Variants in DEPDC1B observed in about 807,000 individuals in gnomAD.
DEPDC1B encodes DEP domain-containing protein 1B.
Under a neutral mutation model 66.5 loss-of-function variants are expected in DEPDC1B, and 51 were observed. That is an observed-to-expected ratio of 0.77 (90% CI 0.61 to 0.97). DEPDC1B has a LOEUF of 0.97. DEPDC1B is among the 50% of genes least tolerant of loss of function. The pLI is 0.00. For synonymous variants in DEPDC1B, 226 were observed against 223.6 expected, an observed-to-expected ratio of 1.01 and a Z score of -0.10; for missense variants, 552 against 637.1, an observed-to-expected ratio of 0.87 and a Z score of 1.44.
At chr5:60,674,768 A>C (rs1364213631) in intron 2 of DEPDC1B, among the ~76,000 whole-genome samples, 4 of 152,222 alleles carry the variant, frequency 2.6e-5, no homozygotes. Context: ...AAGGAACAGA[A>C]ACAAATTCTG....
At chr5:60,673,041 T>A (rs1044279350) in intron 2 of DEPDC1B, among the ~76,000 whole-genome samples, 1 of 152,124 alleles carries the variant, frequency 6.6e-6, no homozygotes, top group Non-Finnish European at 1.5e-5. Flanking sequence ...AAAGGCAAAT[T>A]CTTTCACAGC....
chr5:60,641,006 C>T (rs1199962106), intron 6 of DEPDC1B, among the ~76,000 whole-genome samples: 1 of 152,106 alleles, frequency 6.6e-6, no homozygotes, highest in African/African-American at 2.4e-5. Context: ...ACAGATATGC[C>T]AGCCACTCAT....
At chr5:60,618,509 C>T (rs552160825) in intron 7 of DEPDC1B, among the ~76,000 whole-genome samples, 1 of 152,274 alleles carries the variant, frequency 6.6e-6, no homozygotes, top group African/African-American at 2.4e-5. Context: ...ACTATAAACA[C>T]CTCTATGAAA....
At chr5:60,653,876 T>TTC (rs1430418586) in intron 2 of DEPDC1B, among the ~76,000 whole-genome samples, 1 of 112,600 alleles carries the variant, frequency 8.9e-6, no homozygotes, top group Non-Finnish European at 1.7e-5. Context: ...TTTCCCCACT[T>TTC]TATGTTTTTC....
intron 7 of DEPDC1B, among the ~76,000 whole-genome samples, chr5:60,635,774 A>AT (rs545445525): frequency 2.6e-5 from 4 of 152,150 alleles, no homozygotes; most frequent in South Asian, 2.1e-4. Flanking sequence ...GATCTTCTAA[A>AT]TTTTTTTTAA....
intron 2 of DEPDC1B, among the ~76,000 whole-genome samples, chr5:60,656,677 T>G (rs1219040211): frequency 2.0e-5 from 3 of 152,186 alleles, no homozygotes; most frequent in Non-Finnish European, 4.4e-5. Context: ...CGTGTCCTTC[T>G]TCACAAGGCA....
chr5:60,661,620 AG>A (rs1426356346), intron 2 of DEPDC1B, among the ~76,000 whole-genome samples: 15 of 152,240 alleles, frequency 9.9e-5, no homozygotes, highest in Admixed American at 3.3e-4. Context: ...ATGTTTTACA[AG>A]GGCTAGGACA....
intron 2 of DEPDC1B, among the ~76,000 whole-genome samples, chr5:60,668,334 G>T (rs2111977178): frequency 6.8e-6 from 1 of 147,076 alleles, no homozygotes; most frequent in African/African-American, 2.5e-5. Context: ...GAGTGCAGTG[G>T]TGCAATCTCA....
intron 2 of DEPDC1B, chr5:60,648,048 A>G (rs1305565435): frequency 1.3e-5 from 2 of 152,258 alleles, no homozygotes; most frequent in African/African-American, 4.8e-5. Context: ...CTCACCAACG[A>G]GAGTACTGAA....
intron 2 of DEPDC1B, among the ~76,000 whole-genome samples, chr5:60,680,736 A>G (rs755035214): frequency 2.3e-4 from 35 of 152,248 alleles, no homozygotes; most frequent in Non-Finnish European, 3.5e-4. Flanking sequence ...ATCATTTAAT[A>G]CGTATTACAT....
chr5:60,699,265 T>C (rs932449410), intron 1 of DEPDC1B, among the ~76,000 whole-genome samples: 1 of 152,008 alleles, frequency 6.6e-6, no homozygotes, highest in Admixed American at 6.6e-5. Context: ...AATTCCCATG[T>C]TAAATGTGGC....
chr5:60,629,658 T>C (rs1184140630), intron 7 of DEPDC1B, among the ~76,000 whole-genome samples: 1 of 152,280 alleles, frequency 6.6e-6, no homozygotes, highest in Non-Finnish European at 1.5e-5. Flanking sequence ...TCATGTCTTC[T>C]ATTCAGAAAC....
At position 60,645,121 on chromosome 5, in the gene DEPDC1B, A is replaced by G. The variant is rs143712967; in HGVS notation, c.579-246T>C. ...TGACAAGAAAGTAATTTTGTAAGTA[A>G]AAATACTACAACATAAAAACTAACT... On this transcript the variant is annotated intron_variant, in intron 4 of 10. Transcript: ENST00000265036. Among the ~76,000 whole-genome samples, 428 of 152,336 alleles carry G rather than the reference A, an allele frequency of 2.8e-3. 3 individuals are homozygous for G. Among genetic ancestry groups the G allele is most frequent in the African/African-American group, 9.9e-3 (410 of 41,588 alleles).
At chr5:60,604,992 T>C (rs1053821651) in intron 8 of DEPDC1B, among the ~76,000 whole-genome samples, 2 of 152,192 alleles carry the variant, frequency 1.3e-5, no homozygotes, top group Non-Finnish European at 2.9e-5. Flanking sequence ...TTTAACAGGA[T>C]ATGGAAAGCA....
At chr5:60,697,692 T>G (rs1014514854) in intron 1 of DEPDC1B, among the ~76,000 whole-genome samples, 3 of 152,208 alleles carry the variant, frequency 2.0e-5, no homozygotes, top group Non-Finnish European at 4.4e-5. Context: ...ACATCTTAGT[T>G]TAATATTATG....
intron 2 of DEPDC1B, among the ~76,000 whole-genome samples, chr5:60,651,811 G>A (rs1753463096): frequency 6.6e-6 from 1 of 152,204 alleles, no homozygotes; most frequent in Non-Finnish European, 1.5e-5. Context: ...ACTGTCACCT[G>A]TGGTAATAGG....
intron 7 of DEPDC1B, among the ~76,000 whole-genome samples, chr5:60,615,594 G>C (rs1292946933): frequency 6.6e-6 from 1 of 152,214 alleles, no homozygotes; most frequent in Non-Finnish European, 1.5e-5. Context: ...CAGCCAGGCT[G>C]GGGGAGGGGC....
intron 10 of DEPDC1B, among the ~76,000 whole-genome samples, 185 bp from the exon 11 acceptor site, chr5:60,598,099 TC>T (rs1294725404): frequency 2.6e-5 from 4 of 152,108 alleles, no homozygotes; most frequent in African/African-American, 9.7e-5. Flanking sequence ...TCAAATAAGT[TC>T]CCCTTTTAAT....
chr5:60,642,731 G>A, intron 6 of DEPDC1B, 81 bp downstream of exon 6: 1 of 1,029,040 alleles, frequency 9.7e-7, no homozygotes, highest in Non-Finnish European at 1.5e-6. Flanking sequence ...TCAATGTTCA[G>A]GCCATTGAGC....
Sources: allele counts gnomAD v4.1 joint callset (sites outside exome capture counted in the v4.1 genomes callset), GRCh38; gene constraint gnomAD v4.1.1; transcripts MANE v1.5; gene names NCBI Gene and HGNC (gene_info 2026-07-23, HGNC 2026-07-21).